The following RXFP1 variants were observed in gnomAD, a reference collection of about 807,000 sequenced individuals.
RXFP1 encodes the protein relaxin family peptide receptor 1, also known as relaxin receptor 1.
Under a neutral mutation model 89.8 loss-of-function variants are expected in RXFP1, and 73 were observed. The ratio of observed to expected loss-of-function variants is 0.81; its 90% confidence interval spans 0.67 to 0.99. RXFP1 has a LOEUF of 0.99. Among genes scored for constraint, RXFP1 ranks in the 50% least tolerant of loss-of-function variants. RXFP1 has a pLI of 0.00. For synonymous variants in RXFP1, 277 were observed against 305.5 expected (o/e 0.91, Z 0.97); for missense variants, 793 against 895.5 (o/e 0.89, Z 1.46).
intron 1 of RXFP1, among the ~76,000 whole-genome samples, chr4:158,539,426 C>T (rs923894166): frequency 1.3e-5 from 2 of 151,816 alleles, no homozygotes; most frequent in African/African-American, 4.8e-5. Context: ...CACACTTATA[C>T]ATATGTAACA....
At chr4:158,534,567 A>G (rs1744841119) in intron 1 of RXFP1, among the ~76,000 whole-genome samples, 1 of 152,086 alleles carries the variant, frequency 6.6e-6, no homozygotes, top group Admixed American at 6.5e-5. Flanking sequence ...TATTAATAGG[A>G]ATTATTTACA....
intron 9 of RXFP1, among the ~76,000 whole-genome samples, chr4:158,622,631 C>T (rs762061482): frequency 2.4e-4 from 37 of 152,260 alleles, no homozygotes; most frequent in Middle Eastern, 3.4e-3. Context: ...AAAAATACTG[C>T]GTAATCTCAT....
chr4:158,553,528 A>T (rs1406087606), intron 1 of RXFP1, among the ~76,000 whole-genome samples: 1 of 152,196 alleles, frequency 6.6e-6, no homozygotes, highest in East Asian at 1.9e-4. Flanking sequence ...GCAAGGAAGC[A>T]GAGACAGGAG....
intron 4 of RXFP1, 21 bp from the exon 5 acceptor site, chr4:158,605,047 C>T (rs1457037330): frequency 2.1e-6 from 3 of 1,431,770 alleles, no homozygotes; most frequent in Non-Finnish European, 2.9e-6. Flanking sequence ...CTTTAAGAAT[C>T]AAAATTTACA....
At chr4:158,531,047 CTT>C (rs1042015986) in intron 1 of RXFP1, among the ~76,000 whole-genome samples, 1 of 152,054 alleles carries the variant, frequency 6.6e-6, no homozygotes, top group Non-Finnish European at 1.5e-5. Context: ...GGCTTTGAGT[CTT>C]TTTTGAGACA....
chr4:158,632,914 G>C (rs1355889500), intron 11 of RXFP1, among the ~76,000 whole-genome samples: 2 of 152,194 alleles, frequency 1.3e-5, no homozygotes, highest in Non-Finnish European at 2.9e-5. Flanking sequence ...GCTCACGCCT[G>C]TAATCCCAGG....
At chr4:158,646,517 G>C in intron 15 of RXFP1, 1 of 1,274,324 alleles carries the variant, frequency 7.8e-7, no homozygotes, top group Non-Finnish European at 1.0e-6. Flanking sequence ...TAGAACAATA[G>C]ACAAGATCTG....
intron 2 of RXFP1, among the ~76,000 whole-genome samples, chr4:158,577,214 T>C (rs1214113724): frequency 1.3e-5 from 2 of 152,140 alleles, no homozygotes. Context: ...ATTTTTTGCA[T>C]TTTTAGTATT....
intron 11 of RXFP1, among the ~76,000 whole-genome samples, chr4:158,632,518 A>G (rs1454519603): frequency 6.6e-6 from 1 of 152,168 alleles, no homozygotes; most frequent in Non-Finnish European, 1.5e-5. Flanking sequence ...CTTGTATAAA[A>G]GAATCTGAGG....
chr4:158,630,196 G>T (rs974719328), intron 11 of RXFP1, among the ~76,000 whole-genome samples: 2 of 152,138 alleles, frequency 1.3e-5, no homozygotes, highest in African/African-American at 4.8e-5. Context: ...CAGGGAATGA[G>T]CCATTAAAAA....
chr4:158,555,590 C>T (rs562934874), intron 1 of RXFP1, among the ~76,000 whole-genome samples: 1 of 152,134 alleles, frequency 6.6e-6, no homozygotes, highest in Non-Finnish European at 1.5e-5. Context: ...ACAGACCCCA[C>T]GAAATGCATA....
chr4:158,611,946 G>T (rs1763661968), intron 6 of RXFP1, among the ~76,000 whole-genome samples, 184 bp from the exon 7 acceptor site: 1 of 152,136 alleles, frequency 6.6e-6, no homozygotes, highest in Non-Finnish European at 1.5e-5. Context: ...AATTAATTAT[G>T]GGGAAATTTA....
At chr4:158,580,685 C>A (rs151266945) in intron 2 of RXFP1, among the ~76,000 whole-genome samples, 2 of 152,302 alleles carry the variant, frequency 1.3e-5, no homozygotes, top group South Asian at 4.1e-4. Flanking sequence ...CTCCCCACTG[C>A]GGCGGACTTT....
At chr4:158,571,236 A>C (rs930183205) in intron 1 of RXFP1, among the ~76,000 whole-genome samples, 3 of 152,228 alleles carry the variant, frequency 2.0e-5, no homozygotes, top group Non-Finnish European at 4.4e-5. Flanking sequence ...CATGCATAAA[A>C]TCTTGCACAG....
chr4:158,569,718 T>G (rs1191016463), intron 1 of RXFP1, among the ~76,000 whole-genome samples: 4 of 152,240 alleles, frequency 2.6e-5, no homozygotes, highest in African/African-American at 9.6e-5. Context: ...TCCTCTAATT[T>G]TACTATTCAA....
intron 9 of RXFP1, 88 bp downstream of exon 9, chr4:158,617,293 T>C: frequency 9.9e-7 from 1 of 1,012,016 alleles, no homozygotes; most frequent in Non-Finnish European, 1.5e-6. Context: ...TTTTAGTTTT[T>C]CTTAAAAATG....
At chr4:158,593,748 T>TAAAA (rs1760005077) in intron 3 of RXFP1, among the ~76,000 whole-genome samples, 1 of 152,220 alleles carries the variant, frequency 6.6e-6, no homozygotes, top group African/African-American at 2.4e-5. Context: ...TAATAAATGG[T>TAAAA]GTCAGATATT....
chr4:158,597,783 C>G (rs907412243), intron 3 of RXFP1, among the ~76,000 whole-genome samples: 1 of 152,152 alleles, frequency 6.6e-6, no homozygotes, highest in African/African-American at 2.4e-5. Context: ...TTCTCAGGAC[C>G]TTTCTTCCTT....
chr4:158,554,042 T>C (rs1750731066), intron 1 of RXFP1, among the ~76,000 whole-genome samples: 1 of 152,078 alleles, frequency 6.6e-6, no homozygotes. Flanking sequence ...GCAGCATCCT[T>C]GCACTCTACC....
Sources: gnomAD v4.1 joint callset for allele counts (sites outside exome capture counted in the v4.1 genomes callset) on GRCh38, gnomAD v4.1.1 for gene constraint, MANE v1.5 for transcripts, NCBI Gene and HGNC (gene_info 2026-07-23, HGNC 2026-07-21) for gene names.